The following SUGCT variants were observed in gnomAD, a reference collection of about 807,000 sequenced individuals.
SUGCT encodes succinyl-CoA:glutarate CoA-transferase.
Under a neutral mutation model 55.0 loss-of-function variants are expected in SUGCT, and 41 were observed. The observed-to-expected ratio is 0.74, with a 90% CI of 0.58 to 0.97. SUGCT has a LOEUF of 0.97. Ranked by LOEUF, SUGCT falls within the 50% of genes least tolerant of loss-of-function variation. The pLI, the probability that SUGCT is intolerant of heterozygous loss-of-function variation, is 0.00. For synonymous variants in SUGCT, 187 were observed against 200.4 expected, an observed-to-expected ratio of 0.93 and a Z score of 0.56; for missense variants, 568 against 547.8, an observed-to-expected ratio of 1.04 and a Z score of -0.37.
the SUGCT span, among the ~76,000 whole-genome samples, chr7:41,025,513 G>T: frequency 6.6e-6 from 1 of 151,912 alleles, no homozygotes; most frequent in Non-Finnish European, 1.5e-5. Context: ...GGAACTACAG[G>T]CACCCACCAC....
chr7:40,581,003 A>G (rs1405816104), intron 12 of SUGCT, among the ~76,000 whole-genome samples: 1 of 152,180 alleles, frequency 6.6e-6, no homozygotes, highest in Non-Finnish European at 1.5e-5. Flanking sequence ...TAAGCAACAC[A>G]TGACTGTAAT....
chr7:40,239,551 G>A (rs1789240358), intron 7 of SUGCT, among the ~76,000 whole-genome samples: 2 of 152,076 alleles, frequency 1.3e-5, no homozygotes, highest in Non-Finnish European at 2.9e-5. Flanking sequence ...AAAAGATCTG[G>A]GATTTAAAAA....
chr7:41,003,390 G>T, the SUGCT span, among the ~76,000 whole-genome samples: 1 of 152,124 alleles, frequency 6.6e-6, no homozygotes, highest in South Asian at 2.1e-4. Context: ...TGCATTTAAA[G>T]CATATATTTG....
In SUGCT at chr7:40,703,333, G is replaced by A. The variant is rs374194802; in HGVS notation, c.1090-46101G>A. On this transcript the variant is annotated intron_variant, in intron 12 of 13. Coordinates refer to ENST00000335693, the MANE Select transcript of SUGCT (RefSeq NM_001193313.2). ...GTGGTCGGGGTCCTTGCCAGGGTCC[G>A]ATTGACCATGGTTCTTTTGAACAGA... 2.9e-4 allele frequency among the ~76,000 whole-genome samples: 44 copies of A among 152,182 alleles called. No homozygotes were observed. The South Asian group carries it at 8.5e-3, about 29-fold the overall frequency.
chr7:40,452,070 A>C (rs1789222362), intron 10 of SUGCT, among the ~76,000 whole-genome samples: 1 of 152,206 alleles, frequency 6.6e-6, no homozygotes, highest in South Asian at 2.1e-4. Flanking sequence ...CCAAAATAGA[A>C]TTGATATAGT....
chr7:40,681,985 G>C (rs1225256957), intron 12 of SUGCT, among the ~76,000 whole-genome samples: 1 of 152,160 alleles, frequency 6.6e-6, no homozygotes, highest in South Asian at 2.1e-4. Flanking sequence ...TGCATGTGAA[G>C]ATATCTTGAG....
intron 13 of SUGCT, among the ~76,000 whole-genome samples, chr7:40,774,096 C>T (rs1222375172): frequency 1.3e-5 from 2 of 152,142 alleles, no homozygotes; most frequent in Non-Finnish European, 2.9e-5. Context: ...TCCTTTGTTA[C>T]ATTTTTTTCT....
At chr7:40,175,229 T>C (rs1784866818) in intron 1 of SUGCT, among the ~76,000 whole-genome samples, 1 of 152,010 alleles carries the variant, frequency 6.6e-6, no homozygotes, top group South Asian at 2.1e-4. Context: ...TTAAATTTTT[T>C]TTTTTTTCGA....
At chr7:40,512,219 T>C (rs1792968973) in intron 12 of SUGCT, among the ~76,000 whole-genome samples, 1 of 152,210 alleles carries the variant, frequency 6.6e-6, no homozygotes, top group Non-Finnish European at 1.5e-5. Context: ...CAATTCCTAG[T>C]GGTACACTGA....
intron 12 of SUGCT, among the ~76,000 whole-genome samples, chr7:40,548,361 T>A (rs975546391): frequency 2.6e-5 from 4 of 152,012 alleles, no homozygotes; most frequent in Non-Finnish European, 4.4e-5. Context: ...GCTAATTTTT[T>A]AAAATTTTTA....
intron 9 of SUGCT, among the ~76,000 whole-genome samples, chr7:40,443,674 C>T (rs898700102): frequency 2.0e-5 from 3 of 152,050 alleles, no homozygotes; most frequent in Non-Finnish European, 4.4e-5. Context: ...GTGTAGGTTG[C>T]CTGTTCACTC....
the SUGCT span, among the ~76,000 whole-genome samples, chr7:41,006,721 A>G: frequency 1.3e-5 from 2 of 152,324 alleles, no homozygotes; most frequent in Non-Finnish European, 1.5e-5. Context: ...GAATGAGCTT[A>G]TATGGAATTC....
chr7:40,283,121 T>C lies in SUGCT; in HGVS notation c.720+8465T>C, dbSNP rs561892941. ...CAACTTACAGAATGGGAGAAAATAT[T>C]TGCAAAGCATATATCTGATAAGGGG... On this transcript the variant is annotated intron_variant, in intron 8 of 13. Transcript: ENST00000335693. Among the ~76,000 whole-genome samples the C allele has an allele frequency of 7.2e-5, 11 of 152,240 alleles. No individual in the cohort carries two copies. In the East Asian group the frequency reaches 2.1e-3, roughly 29 times the overall value.
At chr7:40,674,515 G>T (rs1802095045) in intron 12 of SUGCT, among the ~76,000 whole-genome samples, 1 of 152,198 alleles carries the variant, frequency 6.6e-6, no homozygotes, top group South Asian at 2.1e-4. Flanking sequence ...CCATTTAACA[G>T]CTACAGAGGA....
intron 9 of SUGCT, among the ~76,000 whole-genome samples, chr7:40,406,866 T>C (rs1393803587): frequency 6.6e-6 from 1 of 152,182 alleles, no homozygotes; most frequent in Non-Finnish European, 1.5e-5. Context: ...GAATTCTGAA[T>C]TTTTACAATG....
the SUGCT span, among the ~76,000 whole-genome samples, chr7:40,973,115 G>T: frequency 6.6e-6 from 1 of 152,106 alleles, no homozygotes; most frequent in Non-Finnish European, 1.5e-5. Flanking sequence ...CCCCCAGGTT[G>T]GTGGAAACAG....
At chr7:40,998,806 C>G in the SUGCT span, among the ~76,000 whole-genome samples, 28 of 152,346 alleles carry the variant, frequency 1.8e-4, no homozygotes, top group South Asian at 5.6e-3. Flanking sequence ...TTCCTTTTCA[C>G]TGCGCCCCTA....
At chr7:41,006,640 G>T in the SUGCT span, among the ~76,000 whole-genome samples, 3 of 152,090 alleles carry the variant, frequency 2.0e-5, no homozygotes, top group African/African-American at 7.2e-5. Context: ...CTTGTTTCAG[G>T]TTTCAGGCTC....
At chr7:41,038,159 G>A in the SUGCT span, among the ~76,000 whole-genome samples, 2 of 152,158 alleles carry the variant, frequency 1.3e-5, no homozygotes, top group Non-Finnish European at 2.9e-5. Flanking sequence ...GCCCGGAGCT[G>A]GGACAGGTGG....
Sources: gnomAD v4.1 joint callset for allele counts (sites outside exome capture counted in the v4.1 genomes callset) on GRCh38, gnomAD v4.1.1 for gene constraint, MANE v1.5 for transcripts, NCBI Gene and HGNC (gene_info 2026-07-23, HGNC 2026-07-21) for gene names.